DPYD: variants seen among roughly 807,000 people sequenced by gnomAD.
DPYD encodes the protein dihydropyrimidine dehydrogenase, also known as dihydropyrimidine dehydrogenase [NADP(+)].
DPYD carries 109 observed loss-of-function variants against 116.2 expected under a neutral mutation model. That is an observed-to-expected ratio of 0.94 (90% confidence interval 0.80 to 1.10). The LOEUF is 1.10. Among genes scored for constraint, DPYD ranks in the 50% least tolerant of loss-of-function variants. The pLI, the probability that DPYD is intolerant of heterozygous loss-of-function variation, is 0.00. For synonymous variants in DPYD, 440 were observed against 432.0 expected, an observed-to-expected ratio of 1.02 and a Z score of -0.23; for missense variants, 1,302 against 1,254.5, an observed-to-expected ratio of 1.04 and a Z score of -0.57.
At chr1:97,124,006 T>C (rs1467642721) in intron 20 of DPYD, among the ~76,000 whole-genome samples, 1 of 152,138 alleles carries the variant, frequency 6.6e-6, no homozygotes, top group Non-Finnish European at 1.5e-5. Flanking sequence ...TTTTAAATCA[T>C]GATGGTTTTT....
intron 4 of DPYD, among the ~76,000 whole-genome samples, chr1:97,729,370 T>C (rs1211126019): frequency 6.6e-6 from 1 of 152,130 alleles, no homozygotes; most frequent in Non-Finnish European, 1.5e-5. Context: ...CAGGCATATT[T>C]ATATTATGCA....
rs999524953 is a variant in DPYD, at chr1:97,078,080, A to G, written c.*896T>C. The G allele has an allele frequency of 6.6e-6, 1 of 152,198 alleles. No homozygotes were observed. 9.4% of individuals were successfully genotyped at this position (152,198 alleles called of 1,614,324 possible). A position where few individuals can be genotyped will look rare whatever the true frequency, so the allele number is the denominator to read the frequency against. On this transcript the variant is annotated 3_prime_UTR_variant, in exon 23 of 23. Transcript: ENST00000370192. ...CAAACTGATTTGGCACACTTAATAT[A>G]TATTATCAACATTATATTTTTCATT...
At chr1:97,539,883 T>C (rs1322040989) in intron 12 of DPYD, among the ~76,000 whole-genome samples, 1 of 152,142 alleles carries the variant, frequency 6.6e-6, no homozygotes, top group Non-Finnish European at 1.5e-5. Flanking sequence ...GATATCCATA[T>C]AGCCTTTTTC....
At chr1:97,837,874 T>C (rs1048048511) in intron 2 of DPYD, among the ~76,000 whole-genome samples, 6 of 152,164 alleles carry the variant, frequency 3.9e-5, no homozygotes, top group Non-Finnish European at 7.4e-5. Flanking sequence ...AATAGAATTC[T>C]AAGGCACCCA....
intron 2 of DPYD, chr1:97,856,603 G>A (rs1265448562): frequency 2.0e-5 from 3 of 152,186 alleles, no homozygotes; most frequent in Non-Finnish European, 4.4e-5. Flanking sequence ...GATATTCCAA[G>A]TGAAACATTT....
At chr1:97,588,354 T>C (rs1255664116) in intron 10 of DPYD, among the ~76,000 whole-genome samples, 2 of 152,142 alleles carry the variant, frequency 1.3e-5, no homozygotes, top group African/African-American at 4.8e-5. Context: ...AAATATACTT[T>C]GTGTGTGGGA....
chr1:97,415,933 A>G (rs927710177), intron 14 of DPYD, among the ~76,000 whole-genome samples: 1 of 152,102 alleles, frequency 6.6e-6, no homozygotes, highest in African/African-American at 2.4e-5. Flanking sequence ...TCTCTTTCTT[A>G]TAAGTTTTAT....
At chr1:97,742,218 T>C (rs1337932134) in intron 3 of DPYD, among the ~76,000 whole-genome samples, 1 of 152,132 alleles carries the variant, frequency 6.6e-6, no homozygotes, top group Admixed American at 6.6e-5. Context: ...TCATTTTCTA[T>C]ACACTTCCAT....
chr1:97,312,720 CAG>C (rs1558019994), intron 16 of DPYD, among the ~76,000 whole-genome samples: 1 of 151,666 alleles, frequency 6.6e-6, no homozygotes, highest in Non-Finnish European at 1.5e-5. Context: ...GTCTGAAAAA[CAG>C]ACTATGCATT....
intron 18 of DPYD, among the ~76,000 whole-genome samples, chr1:97,303,606 CT>C (rs1011268908): frequency 1.3e-5 from 2 of 152,020 alleles, no homozygotes; most frequent in African/African-American, 4.8e-5. Context: ...GATTCTATTA[CT>C]TTTAAACTTA....
At chr1:97,259,895 T>C (rs1281702216) in intron 18 of DPYD, among the ~76,000 whole-genome samples, 3 of 152,120 alleles carry the variant, frequency 2.0e-5, no homozygotes, top group African/African-American at 2.4e-5. Flanking sequence ...TTTACATATA[T>C]ACATAAAGTT....
chr1:97,494,580 G>A (rs1177985910), intron 13 of DPYD, among the ~76,000 whole-genome samples: 3 of 151,868 alleles, frequency 2.0e-5, no homozygotes, highest in South Asian at 4.2e-4. Context: ...CCAAATCTAT[G>A]AAAAATACAA....
chr1:97,674,464 T>C (rs1055643859), intron 8 of DPYD, among the ~76,000 whole-genome samples: 2 of 152,174 alleles, frequency 1.3e-5, no homozygotes, highest in Non-Finnish European at 2.9e-5. Flanking sequence ...GTTCTTTCCC[T>C]TGCATGCTTG....
At chr1:97,415,949 C>T (rs1337454837) in intron 14 of DPYD, among the ~76,000 whole-genome samples, 2 of 152,128 alleles carry the variant, frequency 1.3e-5, no homozygotes, top group East Asian at 1.9e-4. Context: ...TTTATTTTCT[C>T]GTATATAATG....
intron 12 of DPYD, among the ~76,000 whole-genome samples, chr1:97,547,123 C>G (rs1650954950): frequency 1.3e-5 from 2 of 152,022 alleles, no homozygotes; most frequent in South Asian, 4.2e-4. Flanking sequence ...AGTGGCAGTG[C>G]CTTGGTACAA....
At chr1:97,763,790 T>TA (rs1172423423) in intron 3 of DPYD, among the ~76,000 whole-genome samples, 1 of 152,090 alleles carries the variant, frequency 6.6e-6, no homozygotes, top group African/African-American at 2.4e-5. Context: ...TATTTTAAAA[T>TA]AAAAAAGGCA....
At chr1:97,282,204 G>A (rs1424835075) in intron 18 of DPYD, among the ~76,000 whole-genome samples, 2 of 152,048 alleles carry the variant, frequency 1.3e-5, no homozygotes, top group South Asian at 4.1e-4. Flanking sequence ...CATACTCTCT[G>A]AGTGAGAAGT....
At chr1:97,370,579 CA>C (rs1671266488) in intron 16 of DPYD, among the ~76,000 whole-genome samples, 1 of 152,108 alleles carries the variant, frequency 6.6e-6, no homozygotes, top group Non-Finnish European at 1.5e-5. Flanking sequence ...GAACTTAAAG[CA>C]AATTTTTTTT....
chr1:97,758,203 T>G (rs1230038130), intron 3 of DPYD, among the ~76,000 whole-genome samples: 2 of 152,144 alleles, frequency 1.3e-5, no homozygotes, highest in African/African-American at 4.8e-5. Flanking sequence ...TTATATAACC[T>G]TTAACAAACT....
Sources: allele counts gnomAD v4.1 joint callset (sites outside exome capture counted in the v4.1 genomes callset), GRCh38; gene constraint gnomAD v4.1.1; transcripts MANE v1.5; gene names NCBI Gene and HGNC (gene_info 2026-07-23, HGNC 2026-07-21).